The following COL1A1 variants were observed in gnomAD, a reference collection of about 807,000 sequenced individuals.
COL1A1 encodes collagen type I alpha 1 chain.
In COL1A1, 21 loss-of-function variants were observed where a neutral mutation model predicts 195.7. That is an observed-to-expected ratio of 0.11 (90% CI 0.08 to 0.15). The LOEUF is 0.15. COL1A1 is among the 10% of genes least tolerant of loss of function. The pLI is 1.00. For synonymous variants in COL1A1, 749 were observed against 747.3 expected (o/e 1.00, Z -0.04); for missense variants, 1,365 against 2,051.0 (o/e 0.67, Z 6.46).
chr17:50,198,854 C>T (rs544407360), intron 5 of COL1A1, among the ~76,000 whole-genome samples: 2 of 152,226 alleles, frequency 1.3e-5, no homozygotes, highest in South Asian at 2.1e-4. Flanking sequence ...GGGGTGGAAT[C>T]TATAAAGGAC....
At position 50,196,376 on chromosome 17, in the gene COL1A1, C is replaced by T. The variant is rs141726413; in HGVS notation, c.904-9G>A. 6.2e-7 allele frequency: 1 copy of T among 1,613,890 alleles called. No individual in the cohort carries two copies. The highest frequency in any genetic ancestry group is 8.5e-7 in the Non-Finnish European group (1 of 1,179,864). On this transcript the variant is annotated splice_polypyrimidine_tract_variant and intron_variant, in intron 13 of 50. Transcript: ENST00000225964. ...GGCAGGCCACGGGGGCCCTGACAAC[C>T]AAACCAAGAGAAGTCAGATGAGATG...
rs1057524833 is a variant in COL1A1 at position 50,196,522 on chromosome 17, G to C, written c.865C>G (p.Pro289Ala). ...GCTCCATTTTCACCAGGGCTGCCAG[G>C]CTCACCCTGTAGATCAGAGAATAAT... is the stretch of plus-strand genomic sequence containing the variant. ...DAGPAGPKGE[P>A]GSPGENGAPG... is the part of the protein sequence containing the mutation. Residue 289 changes from proline (P) to alanine (A), a missense_variant, in exon 13 of 51, where the codon CCT (proline) becomes GCT (alanine). Physicochemically the swap from Pro to Ala is conservative, Grantham distance 27. Transcript: ENST00000225964. 6.2e-7 allele frequency: 1 copy of C among 1,614,202 alleles called. No individual in the cohort carries two copies. The highest frequency in any genetic ancestry group is 8.5e-7 in the Non-Finnish European group (1 of 1,180,038).
rs1460910329 is a variant in COL1A1, at chr17:50,194,611, G to A, written c.1477C>T (p.Arg493Cys). ...PPGERGGPGSRGFPGADGVAG... is the reference protein window; with the variant it reads ...PPGERGGPGSCGFPGADGVAG... ...ACACCATCTGCGCCAGGGAAACCAC[G>A]GCTACCAGGTCCACCCTGCAGGAGG... is the stretch of plus-strand genomic sequence containing the variant. Residue 493 changes from arginine to cysteine, a missense_variant, in exon 22 of 51, where the codon CGT (arginine) becomes TGT (cysteine). Physicochemically the swap from Arg to Cys is radical, Grantham distance 180 (BLOSUM62 -3). This residue lies in a region of COL1A1 where 671 missense variants were observed against 1,099.9 expected (regional missense o/e 0.61). Coordinates refer to ENST00000225964, the MANE Select transcript of COL1A1 (RefSeq NM_000088.4). This position sits in a 1 kb window ranked among gnomAD's most constrained non-coding sequence, Gnocchi z 6.8. 3.2e-6 allele frequency: 5 copies of A among 1,568,136 alleles called. No homozygotes were observed. Among genetic ancestry groups the A allele is most frequent in the Non-Finnish European group, 2.6e-6 (3 of 1,156,240 alleles).
In COL1A1 at chr17:50,201,397, AG is replaced by A. The variant is rs756139410; in HGVS notation, c.103+13del. 4.3e-6 allele frequency: 7 copies of A among 1,612,490 alleles called. No homozygotes were observed. In the Admixed American group the frequency reaches 5.0e-5, roughly 12 times the overall value. On this transcript the variant is annotated intron_variant, in intron 1 of 50. Coordinates refer to ENST00000225964, the MANE Select transcript of COL1A1 (RefSeq NM_000088.4). ...TATAGAGTATCCTTGCACTCCCAAAAGTTTGGGACTTACTGTCTTCGTCTTG... is the reference window on the plus strand; with the variant it reads ...TATAGAGTATCCTTGCACTCCCAAAATTTGGGACTTACTGTCTTCGTCTTG...
At position 50,193,539 on chromosome 17, in the gene COL1A1, T is replaced by C. The variant is rs575769201; in HGVS notation, c.1767+404A>G. On this transcript the variant is annotated intron_variant, in intron 25 of 50. Transcript: ENST00000225964. The stretch of plus-strand genomic sequence containing the variant: ...CACTGTTGCCCAGGCTGGAGTGCAA[T>C]GGCGTGATCTCAGCTCACTGCAACC... 1.8e-5 allele frequency: 5 copies of C among 277,078 alleles called. No homozygotes were observed. In the East Asian group the frequency reaches 3.4e-4, roughly 19 times the overall value. 17.2% of individuals were successfully genotyped at this position (277,078 alleles called of 1,614,324 possible).
Position 50,185,494 on chromosome 17 carries a change from G to C in COL1A1, c.*8C>G. 3.7e-6 allele frequency: 6 copies of C among 1,613,872 alleles called. No individual in the cohort carries two copies. The highest frequency in any genetic ancestry group is 5.1e-6 in the Non-Finnish European group (6 of 1,179,976). On this transcript the variant is annotated 3_prime_UTR_variant, in exon 51 of 51. Transcript: ENST00000225964. The stretch of plus-strand genomic sequence containing the variant: ...GGTGGGAGGGAGCCAGGTTGGGATG[G>C]AGGGAGTTTACAGGAAGCAGACAGG...
intron 32 of COL1A1, among the ~76,000 whole-genome samples, 175 bp downstream of exon 32, chr17:50,191,208 G>A (rs1907045961): frequency 6.6e-6 from 1 of 152,114 alleles, no homozygotes; most frequent in African/African-American, 2.4e-5. Flanking sequence ...GGATAGATGG[G>A]CCTGGACCAC....
At position 50,199,748 on chromosome 17, in the gene COL1A1, C is replaced by T. The variant is rs757231152; in HGVS notation, c.298+5G>A. On this transcript the variant is annotated splice_donor_5th_base_variant and intron_variant, in intron 2 of 50. Transcript: ENST00000225964. Reference sequence around the variant, plus strand: ...CCAGGCCCCAGGCCCCGAGCGCAGCCGCACCTGAGCCGTCGGGGCAGACGG... The same window carrying T: ...CCAGGCCCCAGGCCCCGAGCGCAGCTGCACCTGAGCCGTCGGGGCAGACGG... 5 of 1,610,972 alleles carry T rather than the reference C, an allele frequency of 3.1e-6. No homozygotes were observed. In the East Asian group the frequency reaches 1.1e-4, roughly 36 times the overall value.
intron 1 of COL1A1, 62 bp downstream of exon 1, chr17:50,201,349 C>T: frequency 6.6e-7 from 1 of 1,517,368 alleles, no homozygotes; most frequent in Non-Finnish European, 9.0e-7. Flanking sequence ...GCCGCGGCCC[C>T]CGGGACCAAG....
Position 50,184,787 on chromosome 17 carries a change from C to T in COL1A1, c.*715G>A, listed in dbSNP as rs1478887051. 2.2e-5 allele frequency: 5 copies of T among 230,906 alleles called. No homozygotes were observed. Among genetic ancestry groups the T allele is most frequent in the African/African-American group, 6.7e-5 (3 of 44,870 alleles). 14.3% of individuals were successfully genotyped at this position (230,906 alleles called of 1,614,324 possible). A position where few individuals can be genotyped will look rare whatever the true frequency, so the allele number is the denominator to read the frequency against. On this transcript the variant is annotated 3_prime_UTR_variant, in exon 51 of 51. Transcript: ENST00000225964. ...AGCCCTGCGGCACAAGGGATTGACA[C>T]GCGTTCCCCAAATCCGATGTTTCTG...
intron 10 of COL1A1, 28 bp from the exon 11 acceptor site, chr17:50,197,091 G>C (rs1364824324): frequency 6.2e-7 from 1 of 1,614,184 alleles, no homozygotes; most frequent in Non-Finnish European, 8.5e-7. Context: ...AGACAAGGAA[G>C]GGCCATTAGA....
Position 50,197,194 on chromosome 17 carries a change from G to A in COL1A1, c.736C>T (p.Pro246Ser), listed in dbSNP as rs779030403. 6.2e-7 allele frequency: 1 copy of A among 1,613,570 alleles called. No homozygotes were observed. The highest frequency in any genetic ancestry group is 1.1e-5 in the South Asian group (1 of 91,044). ...GKPGRPGERGPPGPQGARGLP... is the reference protein window; with the variant it reads ...GKPGRPGERGSPGPQGARGLP... ...CCCCTGCTCACCTGAGGCCCAGGAG[G>A]CCCACGCTCACCAGGACGACCAGGT... The change falls in exon 10 of 51, where the codon CCT (proline) becomes TCT (serine). Residue 246 changes from proline to serine, a missense_variant. Coordinates refer to ENST00000225964, the MANE Select transcript of COL1A1 (RefSeq NM_000088.4).
chr17:50,197,794 G>GA lies in COL1A1; in HGVS notation c.643-10dup, dbSNP rs1907724352. The GA allele has an allele frequency of 2.5e-6, 4 of 1,610,420 alleles. No individual in the cohort carries two copies. Among genetic ancestry groups the GA allele is most frequent in the Non-Finnish European group, 3.4e-6 (4 of 1,178,756 alleles). ...CGGGGACCCATGGGACCCTAGAAAA[G>GA]ATAGAAGAGGTGGTTAGAATATGGA... On this transcript the variant is annotated splice_polypyrimidine_tract_variant and intron_variant, in intron 8 of 50. Transcript: ENST00000225964.
In COL1A1 at chr17:50,192,649, G is replaced by A. The variant is rs745564892; in HGVS notation, c.1920C>T (p.Pro640=). ...AGCCATGAGGCCTCACCTGGAATCC[G>A]GGGGAGCCAGCAGGGCCTTGTTCAC... ...ERGEQGPAGS[P]GFQGLPGPAG... Residue 640 remains proline (P), a synonymous_variant, in exon 28 of 51, where the codon CCC becomes CCT. Coordinates refer to ENST00000225964, the MANE Select transcript of COL1A1 (RefSeq NM_000088.4). 63 of 1,614,052 alleles carry A rather than the reference G, an allele frequency of 3.9e-5. No individual in the cohort carries two copies. The highest frequency in any genetic ancestry group is 1.9e-4 in the South Asian group (17 of 91,082).
At chr17:50,196,230 C>A (rs1408094013) in intron 14 of COL1A1, 31 bp from the exon 15 acceptor site, 1 of 1,613,800 alleles carries the variant, frequency 6.2e-7, no homozygotes. Flanking sequence ...CCCGTTAAGT[C>A]CACTGAGCAC....
In COL1A1 at chr17:50,188,199, T is replaced by C; in HGVS notation, c.3208-50A>G. On this transcript the variant is annotated intron_variant, in intron 43 of 50. Transcript: ENST00000225964. This position sits in a 1 kb window ranked among gnomAD's most constrained non-coding sequence, Gnocchi z 5.6. The stretch of plus-strand genomic sequence containing the variant: ...GCTCTTGGCCAGGGAAGGCTGAGGC[T>C]GGGGCTGCAGGATGAGGCCTCCCCT... The C allele has an allele frequency of 6.7e-7, 1 of 1,493,806 alleles. No homozygotes were observed. Among genetic ancestry groups the C allele is most frequent in the South Asian group, 1.3e-5 (1 of 78,580 alleles). The allele number at this position is 1,493,806 out of a possible 1,614,324, so 92.5% of individuals were successfully genotyped here.
chr17:50,186,774 C>T lies in COL1A1; in HGVS notation c.3680G>A (p.Arg1227His), dbSNP rs543809032. 49 of 1,614,050 alleles carry T rather than the reference C, an allele frequency of 3.0e-5. No individual in the cohort carries two copies. Among genetic ancestry groups the T allele is most frequent in the Admixed American group, 1.0e-4 (6 of 60,026 alleles). ...GAGGGTGGTGTCCACCTCGAGGTCA[C>T]GGTCACGAACCACATTGGCATCATC... ...RADDANVVRD[R>H]DLEVDTTLKS... Residue 1227 changes from arginine (R) to histidine (H), a missense_variant, in exon 48 of 51, where the codon CGT (arginine) becomes CAT (histidine). Physicochemically the swap from Arg to His is conservative, Grantham distance 29. Coordinates refer to ENST00000225964, the MANE Select transcript of COL1A1 (RefSeq NM_000088.4). This position sits in a 1 kb window ranked among gnomAD's most constrained non-coding sequence, Gnocchi z 5.3.
At position 50,190,725 on chromosome 17, in the gene COL1A1, C is replaced by T. The variant is rs540446779; in HGVS notation, c.2343+92G>A. 5.7e-5 allele frequency: 84 copies of T among 1,482,476 alleles called. No homozygotes were observed. Among genetic ancestry groups the T allele is most frequent in the Non-Finnish European group, 7.6e-5 (81 of 1,064,870 alleles). The allele number at this position is 1,482,476 out of a possible 1,614,324, so 91.8% of individuals were successfully genotyped here. On this transcript the variant is annotated intron_variant, in intron 33 of 50. Coordinates refer to ENST00000225964, the MANE Select transcript of COL1A1 (RefSeq NM_000088.4). The surrounding 1 kb of genome is among the most constrained non-coding windows in gnomAD (Gnocchi z 4.7). The stretch of plus-strand genomic sequence containing the variant: ...AGGTTGACAGCTCAGTTTGGCAGGA[C>T]CTGCTCTCCCAACGCAACCCCACGG...
In COL1A1 at chr17:50,189,973, C is replaced by T. The variant is rs1435714575; in HGVS notation, c.2559+28G>A. 5.6e-6 allele frequency: 9 copies of T among 1,612,418 alleles called. No individual in the cohort carries two copies. The East Asian group carries it at 6.7e-5, about 12-fold the overall frequency. Reference sequence around the variant, plus strand: ...GTCCTGGGTCCCAGCCCACCAGCCTCGTGGGCACAGAGGGCCAAGCCACTC... The same window carrying T: ...GTCCTGGGTCCCAGCCCACCAGCCTTGTGGGCACAGAGGGCCAAGCCACTC... On this transcript the variant is annotated intron_variant, in intron 36 of 50. Coordinates refer to ENST00000225964, the MANE Select transcript of COL1A1 (RefSeq NM_000088.4). This position sits in a 1 kb window ranked among gnomAD's most constrained non-coding sequence, Gnocchi z 5.5.
Sources: gnomAD v4.1 joint callset for allele counts (sites outside exome capture counted in the v4.1 genomes callset) on GRCh38, gnomAD v4.1.1 for gene constraint, gnomAD v4.1.1 regional missense constraint, Gnocchi (gnomAD v3.1) non-coding constraint, MANE v1.5 for transcripts, NCBI Gene and HGNC (gene_info 2026-07-23, HGNC 2026-07-21) for gene names.